The following MATN2 variants were observed in gnomAD, a reference collection of about 807,000 sequenced individuals.
MATN2 encodes the protein matrilin 2.
In MATN2, 69 loss-of-function variants were observed where a neutral mutation model predicts 103.2. The ratio of observed to expected loss-of-function variants is 0.67; its 90% CI spans 0.55 to 0.82. The LOEUF (loss-of-function observed/expected upper bound fraction) is 0.82. MATN2 is among the 40% of genes least tolerant of loss of function. The probability of loss-of-function intolerance (pLI) is 0.00; values close to 1 mark genes in which losing one functional copy is unlikely to be tolerated. For synonymous variants in MATN2, 429 were observed against 450.2 expected, an observed-to-expected ratio of 0.95 and a Z score of 0.60; for missense variants, 1,023 against 1,211.5, an observed-to-expected ratio of 0.84 and a Z score of 2.31.
intron 2 of MATN2, among the ~76,000 whole-genome samples, chr8:97,928,225 T>C (rs1388286040): frequency 7.1e-6 from 1 of 141,008 alleles, no homozygotes; most frequent in East Asian, 2.0e-4. Flanking sequence ...TGCCTTTTTT[T>C]TTTTTTTTTT....
At chr8:98,015,364 C>G (rs561110812) in intron 10 of MATN2, among the ~76,000 whole-genome samples, 1 of 152,264 alleles carries the variant, frequency 6.6e-6, no homozygotes, top group South Asian at 2.1e-4. Context: ...AGTGACTGCC[C>G]TTCTCTTTCA....
chr8:97,978,143 C>T (rs1811899154), intron 5 of MATN2, among the ~76,000 whole-genome samples: 2 of 152,190 alleles, frequency 1.3e-5, no homozygotes, highest in Non-Finnish European at 1.5e-5. Context: ...CTTGTTCTAT[C>T]CCTAGCACCT....
At chr8:97,874,406 C>CTTT (rs1554596747) in intron 1 of MATN2, among the ~76,000 whole-genome samples, 1 of 136,118 alleles carries the variant, frequency 7.3e-6, no homozygotes, top group East Asian at 2.1e-4. Flanking sequence ...TCTTCTTCTT[C>CTTT]TTTTTTTTTT....
chr8:97,926,970 G>T (rs1309085897), intron 2 of MATN2, among the ~76,000 whole-genome samples: 1 of 152,158 alleles, frequency 6.6e-6, no homozygotes, highest in African/African-American at 2.4e-5. Context: ...AGACTTTATA[G>T]AACTTCTTTT....
At chr8:97,953,758 C>A (rs1811044777) in intron 4 of MATN2, among the ~76,000 whole-genome samples, 1 of 149,936 alleles carries the variant, frequency 6.7e-6, no homozygotes, top group Admixed American at 6.7e-5. Flanking sequence ...CCATTGCACT[C>A]CAGCCTGGGC....
chr8:97,898,597 C>CAAA (rs1272617710), intron 2 of MATN2, among the ~76,000 whole-genome samples: 2 of 92,204 alleles, frequency 2.2e-5, no homozygotes, highest in Admixed American at 1.2e-4. Context: ...AACTCCTTCT[C>CAAA]AAAAAAAAAA....
At chr8:97,912,783 T>C (rs919549575) in intron 2 of MATN2, among the ~76,000 whole-genome samples, 9 of 151,312 alleles carry the variant, frequency 5.9e-5, no homozygotes, top group Non-Finnish European at 1.3e-4. Context: ...CAGTAGAGAG[T>C]GGGGGTGATA....
intron 2 of MATN2, among the ~76,000 whole-genome samples, chr8:97,898,451 G>A (rs1422576886): frequency 6.6e-6 from 1 of 152,044 alleles, no homozygotes; most frequent in Non-Finnish European, 1.5e-5. Context: ...CAAAAAATTA[G>A]CCAGGTGTGG....
At chr8:98,001,246 T>C (rs951632661) in intron 7 of MATN2, among the ~76,000 whole-genome samples, 1 of 152,226 alleles carries the variant, frequency 6.6e-6, no homozygotes, top group African/African-American at 2.4e-5. Flanking sequence ...TGGTTGGTCC[T>C]ATGGATGGCT....
chr8:97,911,974 C>G (rs1388782727), intron 2 of MATN2, among the ~76,000 whole-genome samples: 1 of 152,162 alleles, frequency 6.6e-6, no homozygotes, highest in East Asian at 1.9e-4. Flanking sequence ...GAGGCAGGTA[C>G]AATTATTGTC....
intron 2 of MATN2, among the ~76,000 whole-genome samples, chr8:97,908,784 C>T (rs1442017821): frequency 2.0e-5 from 3 of 152,018 alleles, no homozygotes; most frequent in Non-Finnish European, 4.4e-5. Context: ...GGTGCGCCAC[C>T]GTGCCTGGCT....
intron 6 of MATN2, among the ~76,000 whole-genome samples, chr8:97,987,757 T>C (rs2130335553): frequency 6.6e-6 from 1 of 152,176 alleles, no homozygotes; most frequent in African/African-American, 2.4e-5. Context: ...ATTTACTGAA[T>C]GAATGAATGA....
chr8:97,965,421 G>A (rs895225664), intron 5 of MATN2, among the ~76,000 whole-genome samples: 1 of 152,326 alleles, frequency 6.6e-6, no homozygotes, highest in Admixed American at 6.5e-5. Context: ...GATTGTAGCA[G>A]TTATCGGGTG....
At chr8:98,021,693 A>AAC (rs1554615808) in intron 13 of MATN2, among the ~76,000 whole-genome samples, 1 of 149,472 alleles carries the variant, frequency 6.7e-6, no homozygotes, top group African/African-American at 2.4e-5. Context: ...AAAAAAAAAA[A>AAC]CACAAAAGAG....
At position 97,943,698 on chromosome 8, in the gene MATN2, A is replaced by C. The variant is rs529360733; in HGVS notation, c.835+1799A>C. ...TCGAACTCCTGAGCTCAAGTGCTCC[A>C]TCTGCCTCAACCCCCAAAGTGCTGA... is the stretch of plus-strand genomic sequence containing the variant. On this transcript the variant is annotated intron_variant, in intron 4 of 18. Coordinates refer to ENST00000254898, the MANE Select transcript of MATN2 (RefSeq NM_002380.5). Among the ~76,000 whole-genome samples, 107 of 152,204 alleles carry C rather than the reference A, an allele frequency of 7.0e-4. 1 individual carries two copies. The highest frequency in any genetic ancestry group is 1.2e-3 in the Non-Finnish European group (84 of 67,984).
rs369207259 is a variant in MATN2 at position 97,941,185 on chromosome 8, AG to A, written c.713-591del. The stretch of plus-strand genomic sequence containing the variant: ...TCAAAAAAAAAAAAAAAAAAAAAAA[AG>A]AAAGAAAGAAAGAAAAGATGCTAAA... On this transcript the variant is annotated intron_variant, in intron 3 of 18. Coordinates refer to ENST00000254898, the MANE Select transcript of MATN2 (RefSeq NM_002380.5). Among the ~76,000 whole-genome samples the A allele has an allele frequency of 7.7e-3, 414 of 53,766 alleles. 31 individuals are homozygous for A. Among genetic ancestry groups the A allele is most frequent in the African/African-American group, 0.026 (321 of 12,224 alleles). 35.3% of individuals were successfully genotyped at this position (53,766 alleles called of 152,430 possible).
At chr8:97,987,290 A>T (rs920326373) in intron 6 of MATN2, among the ~76,000 whole-genome samples, 1 of 152,116 alleles carries the variant, frequency 6.6e-6, no homozygotes, top group Non-Finnish European at 1.5e-5. Flanking sequence ...GCCTGTAGCA[A>T]GGAGTGGGGA....
At chr8:97,942,241 C>T (rs1810593922) in intron 4 of MATN2, among the ~76,000 whole-genome samples, 1 of 152,142 alleles carries the variant, frequency 6.6e-6, no homozygotes, top group South Asian at 2.1e-4. Context: ...ATTAACTGTA[C>T]CCTAAGGAAC....
chr8:97,898,250 G>A (rs1296894417), intron 2 of MATN2, among the ~76,000 whole-genome samples: 1 of 152,122 alleles, frequency 6.6e-6, no homozygotes, highest in East Asian at 1.9e-4. Context: ...TTACCCCTAA[G>A]GAGCCAGTCC....
Sources: allele counts gnomAD v4.1 joint callset (sites outside exome capture counted in the v4.1 genomes callset), GRCh38; gene constraint gnomAD v4.1.1; transcripts MANE v1.5; gene names NCBI Gene and HGNC (gene_info 2026-07-23, HGNC 2026-07-21).